The following PI4KA variants were observed in gnomAD, a reference collection of about 807,000 sequenced individuals.
The protein encoded by PI4KA is PI4-kinase alpha.
A neutral mutation model predicts 271.4 loss-of-function variants in PI4KA; 122 were observed. That is an observed-to-expected ratio of 0.45 (90% CI 0.39 to 0.52). The LOEUF is 0.52. Ranked by LOEUF, PI4KA falls within the 20% of genes least tolerant of loss-of-function variation. The pLI, the probability that PI4KA is intolerant of heterozygous loss-of-function variation, is 0.00. For missense variants in PI4KA, 1,969 were observed against 2,769.1 expected, an observed-to-expected ratio of 0.71 and a Z score of 6.48; for synonymous variants, 1,041 against 1,078.8, an observed-to-expected ratio of 0.96 and a Z score of 0.69.
In PI4KA at chr22:20,799,284, AG is replaced by A. The variant is rs1935159337; in HGVS notation, c.1821-9del. 2.6e-6 allele frequency: 4 copies of A among 1,513,526 alleles called. No individual in the cohort carries two copies. In the South Asian group the frequency reaches 4.0e-5, roughly 15 times the overall value. 93.8% of individuals were successfully genotyped at this position (1,513,526 alleles called of 1,614,324 possible). On this transcript the variant is annotated splice_polypyrimidine_tract_variant and intron_variant, in intron 15 of 54. Transcript: ENST00000255882. ...GGAATCAAGTGAGCGTCCCTACAGA[AG>A]GAAGAACAGAAGCGCCCTAGCAACA...
intron 3 of PI4KA, among the ~76,000 whole-genome samples, chr22:20,828,680 G>A (rs181133866): frequency 4.0e-5 from 6 of 151,864 alleles, no homozygotes; most frequent in South Asian, 4.2e-4. Flanking sequence ...TCAGCCTCCC[G>A]AGTAGCTGGG....
At chr22:20,779,905 T>C (rs2147481799) in intron 19 of PI4KA, 1 of 1,614,244 alleles carries the variant, frequency 6.2e-7, no homozygotes, top group Middle Eastern at 1.6e-4. Flanking sequence ...ATCACGACCA[T>C]TCATAATCTC....
intron 45 of PI4KA, among the ~76,000 whole-genome samples, chr22:20,715,497 C>T (rs367929135): frequency 6.6e-5 from 10 of 151,094 alleles, no homozygotes; most frequent in Admixed American, 4.0e-4. Context: ...CTTTTTGAGA[C>T]GGAGTCCTAC....
At chr22:20,722,782 G>A (rs1392493484) in intron 42 of PI4KA, among the ~76,000 whole-genome samples, 2 of 152,140 alleles carry the variant, frequency 1.3e-5, no homozygotes, top group East Asian at 3.9e-4. Flanking sequence ...TTTGACCTGG[G>A]TGAGTCGGGG....
chr22:20,798,530 TTAAAGTAAGTTAAA>T lies in PI4KA; in HGVS notation c.2108+40_2108+53del, dbSNP rs1330646771. 1.5e-5 allele frequency: 16 copies of T among 1,083,538 alleles called. No homozygotes were observed. The Admixed American group carries it at 2.7e-4, about 19-fold the overall frequency. The allele number at this position is 1,083,538 out of a possible 1,614,324, so 67.1% of individuals were successfully genotyped here. ...AGACAAATTCACAAACCTCACATTT[TTAAAGTAAGTTAAA>T]TACTGTCATGATAAAAAAGTGACAA... On this transcript the variant is annotated intron_variant, in intron 17 of 54. Coordinates refer to ENST00000255882, the MANE Select transcript of PI4KA (RefSeq NM_058004.4).
chr22:20,756,332 T>C (rs1568994399), intron 23 of PI4KA, among the ~76,000 whole-genome samples: 1 of 151,918 alleles, frequency 6.6e-6, no homozygotes, highest in Non-Finnish European at 1.5e-5. Context: ...GCAATTCTCC[T>C]GTCTCAGCCT....
At chr22:20,752,574 C>T (rs1350373599) in intron 25 of PI4KA, among the ~76,000 whole-genome samples, 2 of 152,174 alleles carry the variant, frequency 1.3e-5, no homozygotes, top group African/African-American at 4.8e-5. Context: ...ACTGATCCTA[C>T]CAGGGGACCT....
rs915847372 is a variant in PI4KA at position 20,744,555 on chromosome 22, T to C, written c.3456+73A>G. On this transcript the variant is annotated intron_variant, in intron 30 of 54. Transcript: ENST00000255882. The stretch of plus-strand genomic sequence containing the variant: ...CCGGGACGCTTTGTTCATTTTCCAC[T>C]AGGAAGCGGCCAACAGGCCTCAAAA... The C allele has an allele frequency of 5.8e-6, 6 of 1,034,932 alleles. No homozygotes were observed. In the African/African-American group the frequency reaches 6.3e-5, roughly 11 times the overall value. The allele number at this position is 1,034,932 out of a possible 1,614,324, so 64.1% of individuals were successfully genotyped here.
intron 17 of PI4KA, 91 bp downstream of exon 17, chr22:20,798,493 A>C (rs1292970025): frequency 2.3e-6 from 2 of 852,970 alleles, no homozygotes; most frequent in African/African-American, 3.3e-5. Context: ...TTGCAAGAAG[A>C]GTTTATTTAA....
intron 37 of PI4KA, 39 bp downstream of exon 37, chr22:20,729,853 C>T: frequency 6.2e-7 from 1 of 1,612,698 alleles, no homozygotes; most frequent in Non-Finnish European, 8.5e-7. Context: ...AGAATGATAG[C>T]TTGCATGTGA....
chr22:20,836,629 C>T (rs1924900805), intron 2 of PI4KA, among the ~76,000 whole-genome samples: 1 of 152,216 alleles, frequency 6.6e-6, no homozygotes, highest in South Asian at 2.1e-4. Context: ...GGTCAATGCA[C>T]AGCCCATCCT....
At chr22:20,787,792 G>C (rs1934365942) in intron 19 of PI4KA, 1 of 155,386 alleles carries the variant, frequency 6.4e-6, no homozygotes, top group Non-Finnish European at 1.4e-5. Context: ...GATAACTCCA[G>C]GTATGATAAA....
At chr22:20,769,816 G>C (rs1266007396) in intron 19 of PI4KA, among the ~76,000 whole-genome samples, 1 of 152,170 alleles carries the variant, frequency 6.6e-6, no homozygotes, top group Non-Finnish European at 1.5e-5. Context: ...TGAAGTCATA[G>C]AGTAATCTGA....
At chr22:20,720,212 T>A (rs974862141) in intron 43 of PI4KA, among the ~76,000 whole-genome samples, 1 of 152,136 alleles carries the variant, frequency 6.6e-6, no homozygotes. Context: ...AGGTGCGACG[T>A]AGACAGACTT....
intron 32 of PI4KA, chr22:20,736,608 A>G (rs1928747853): frequency 6.5e-6 from 1 of 154,110 alleles, no homozygotes; most frequent in Non-Finnish European, 1.4e-5. Flanking sequence ...GATGTGCATA[A>G]GAGGGAGTCA....
intron 48 of PI4KA, 166 bp downstream of exon 48, chr22:20,713,115 G>T (rs1601311844): frequency 2.9e-6 from 2 of 694,800 alleles, no homozygotes; most frequent in East Asian, 5.4e-5. Flanking sequence ...GGAAGGAGAG[G>T]CCTCTGGGTT....
At chr22:20,805,273 T>C (rs1258032383) in intron 10 of PI4KA, 108 bp from the exon 11 acceptor site, 46 of 750,642 alleles carry the variant, frequency 6.1e-5, no homozygotes, top group Non-Finnish European at 9.1e-5. Flanking sequence ...CCCAGAAAAG[T>C]AGCATTTGCT....
At chr22:20,758,454 C>CTT (rs1601421649) in intron 23 of PI4KA, among the ~76,000 whole-genome samples, 1 of 77,598 alleles carries the variant, frequency 1.3e-5, no homozygotes, top group Non-Finnish European at 2.6e-5. Context: ...ATTTTTCTTT[C>CTT]TTTTCTTTTT....
At chr22:20,764,715 C>T in intron 22 of PI4KA, 102 bp downstream of exon 22, 3 of 1,282,740 alleles carry the variant, frequency 2.3e-6, no homozygotes, top group Non-Finnish European at 3.2e-6. Flanking sequence ...GTTTGCATGT[C>T]TTGGGAGAAG....
Sources: gnomAD v4.1 joint callset for allele counts (sites outside exome capture counted in the v4.1 genomes callset) on GRCh38, gnomAD v4.1.1 for gene constraint, MANE v1.5 for transcripts, NCBI Gene and HGNC (gene_info 2026-07-23, HGNC 2026-07-21) for gene names.